The following COQ3 variants were observed in gnomAD, a reference collection of about 807,000 sequenced individuals.
COQ3 encodes ubiquinone biosynthesis O-methyltransferase, mitochondrial.
A neutral mutation model predicts 33.1 loss-of-function variants in COQ3; 29 were observed. The observed-to-expected ratio is 0.88, with a 90% CI of 0.65 to 1.19. COQ3 has a LOEUF of 1.19. COQ3 is among the 50% of genes most tolerant of loss of function. The pLI, the probability that COQ3 is intolerant of heterozygous loss-of-function variation, is 0.00. For synonymous variants in COQ3, 173 were observed against 157.8 expected (o/e 1.10, Z -0.72); for missense variants, 437 against 430.7 (o/e 1.01, Z -0.13).
chr6:99,376,993 G>GGTGTGTGT (rs1774301301), intron 4 of COQ3, among the ~76,000 whole-genome samples: 1 of 107,878 alleles, frequency 9.3e-6, no homozygotes, highest in Admixed American at 1.0e-4. Flanking sequence ...CAATATTATG[G>GGTGTGTGT]ATGTGTGTGT....
intron 1 of COQ3, 137 bp downstream of exon 1, chr6:99,393,936 GC>G: frequency 1.5e-6 from 1 of 687,376 alleles, no homozygotes; most frequent in South Asian, 1.7e-5. Flanking sequence ...GAGAGATGGG[GC>G]CAGGACCAAG....
intron 1 of COQ3, among the ~76,000 whole-genome samples, chr6:99,389,488 T>C (rs1274739762): frequency 6.6e-6 from 1 of 152,080 alleles, no homozygotes; most frequent in East Asian, 1.9e-4. Context: ...ATTTAAAAAA[T>C]CAAAAAGTAC....
chr6:99,371,277 T>G (rs2128469645), intron 6 of COQ3, 151 bp downstream of exon 6: 13 of 534,118 alleles, frequency 2.4e-5, no homozygotes, highest in Non-Finnish European at 3.8e-5. Flanking sequence ...CTAGCTTCCA[T>G]GAGTTTATGA....
chr6:99,370,805 C>T (rs534898624), intron 6 of COQ3, among the ~76,000 whole-genome samples: 88 of 151,738 alleles, frequency 5.8e-4, no homozygotes, highest in African/African-American at 2.0e-3. Flanking sequence ...ACAGGAATAC[C>T]GAATGCCAAA....
At chr6:99,384,036 G>C (rs1344040934) in intron 1 of COQ3, among the ~76,000 whole-genome samples, 1 of 152,090 alleles carries the variant, frequency 6.6e-6, no homozygotes, top group Admixed American at 6.6e-5. Context: ...AAGTAGCGGG[G>C]ACTACAAGCG....
chr6:99,391,295 G>C (rs1774822014), intron 1 of COQ3, among the ~76,000 whole-genome samples: 1 of 151,394 alleles, frequency 6.6e-6, no homozygotes, highest in East Asian at 1.9e-4. Flanking sequence ...GTAGAGACAG[G>C]GTTTTGCTAT....
At chr6:99,371,920 A>G (rs2128469799) in intron 5 of COQ3, among the ~76,000 whole-genome samples, 1 of 152,264 alleles carries the variant, frequency 6.6e-6, no homozygotes, top group Middle Eastern at 3.4e-3. Context: ...TCCTTGTTAC[A>G]TGTCCACATT....
intron 1 of COQ3, among the ~76,000 whole-genome samples, chr6:99,385,934 G>A (rs1255162071): frequency 1.4e-5 from 2 of 138,642 alleles, no homozygotes; most frequent in African/African-American, 2.7e-5. Context: ...CCAAGATTGC[G>A]CCACTGCACT....
At chr6:99,393,308 C>T (rs1420106098) in intron 1 of COQ3, among the ~76,000 whole-genome samples, 1 of 151,868 alleles carries the variant, frequency 6.6e-6, no homozygotes, top group African/African-American at 2.4e-5. Context: ...ATTGGCTGTA[C>T]TATTTTTCAC....
chr6:99,387,656 C>T (rs1774689644), intron 1 of COQ3, among the ~76,000 whole-genome samples: 1 of 152,178 alleles, frequency 6.6e-6, no homozygotes, highest in Non-Finnish European at 1.5e-5. Flanking sequence ...AGACTAAGCC[C>T]TTTCCCCCTA....
chr6:99,379,381 C>T (rs1029883800), intron 3 of COQ3, among the ~76,000 whole-genome samples: 2 of 152,216 alleles, frequency 1.3e-5, no homozygotes, highest in African/African-American at 2.4e-5. Context: ...TCTTGCCTTT[C>T]TTTAACTTCC....
chr6:99,391,479 T>C (rs1183944283), intron 1 of COQ3, among the ~76,000 whole-genome samples: 1 of 152,170 alleles, frequency 6.6e-6, no homozygotes, highest in Non-Finnish European at 1.5e-5. Context: ...CCTGTATGAC[T>C]TTAGGTAGAT....
chr6:99,392,729 G>A (rs1389676862), intron 1 of COQ3, among the ~76,000 whole-genome samples: 3 of 151,760 alleles, frequency 2.0e-5, no homozygotes, highest in African/African-American at 7.3e-5. Flanking sequence ...AGGTTCAAGC[G>A]ATTCTCCTGC....
In COQ3 at chr6:99,394,088, A is replaced by T; in HGVS notation, c.92T>A (p.Leu31Ter). The T allele has an allele frequency of 6.2e-7, 1 of 1,613,684 alleles. No homozygotes were observed. The highest frequency in any genetic ancestry group is 8.5e-7 in the Non-Finnish European group (1 of 1,179,716). ...CACACACTCACCCGCCGAGGAAATTAAGGGACGCGCAGCTTTTGTATTACA... is the reference window on the plus strand; with the variant it reads ...CACACACTCACCCGCCGAGGAAATTTAGGGACGCGCAGCTTTTGTATTACA... ...GGCNTKAARP[L>*]ISSAVYVKNQ... The change falls in exon 1 of 7, where the codon TTA (leucine) becomes TAA (stop). Residue 31 changes from leucine (L) to a stop codon, truncating the protein, a stop_gained. Transcript: ENST00000254759. LOFTEE classifies it high-confidence loss of function.
intron 1 of COQ3, among the ~76,000 whole-genome samples, chr6:99,384,532 A>C (rs551665203): frequency 6.6e-6 from 1 of 152,346 alleles, no homozygotes; most frequent in South Asian, 2.1e-4. Flanking sequence ...TGTCAATTCC[A>C]TATTAGCTAC....
intron 1 of COQ3, among the ~76,000 whole-genome samples, chr6:99,386,005 A>G (rs747581999): frequency 1.2e-5 from 1 of 84,714 alleles, no homozygotes; most frequent in Non-Finnish European, 2.9e-5. Context: ...AAAAGAAAAA[A>G]GAAAAGAAAA....
intron 1 of COQ3, among the ~76,000 whole-genome samples, chr6:99,386,417 G>GA (rs973334517): frequency 6.6e-6 from 1 of 151,996 alleles, no homozygotes; most frequent in African/African-American, 2.4e-5. Context: ...GTGACAGAGT[G>GA]AGACTCTGTC....
At chr6:99,388,411 G>A (rs867584871) in intron 1 of COQ3, among the ~76,000 whole-genome samples, 7 of 151,810 alleles carry the variant, frequency 4.6e-5, no homozygotes, top group Middle Eastern at 3.2e-3. Context: ...AAGAATAAAC[G>A]TGAGACATAT....
At chr6:99,376,682 A>C in intron 4 of COQ3, among the ~76,000 whole-genome samples, 1 of 152,144 alleles carries the variant, frequency 6.6e-6, no homozygotes. Context: ...GTTTTTAAAC[A>C]CAGGTTGGCC....
Sources: allele counts gnomAD v4.1 joint callset (sites outside exome capture counted in the v4.1 genomes callset), GRCh38; gene constraint gnomAD v4.1.1; transcripts MANE v1.5; gene names NCBI Gene and HGNC (gene_info 2026-07-23, HGNC 2026-07-21).